CNTN4: variants seen among roughly 807,000 people sequenced by gnomAD.
CNTN4 encodes the protein contactin-4.
Under a neutral mutation model 122.5 loss-of-function variants are expected in CNTN4, and 77 were observed. The ratio of observed to expected loss-of-function variants is 0.63; its 90% CI spans 0.52 to 0.76. The LOEUF is 0.76. CNTN4 is among the 30% of genes least tolerant of loss of function. The probability of loss-of-function intolerance (pLI) is 0.00; values close to 1 mark genes in which losing one functional copy is unlikely to be tolerated. For missense variants in CNTN4, 1,256 were observed against 1,259.1 expected, an observed-to-expected ratio of 1.00 and a Z score of 0.04; for synonymous variants, 512 against 447.0, an observed-to-expected ratio of 1.15 and a Z score of -1.83.
intron 3 of CNTN4, among the ~76,000 whole-genome samples, chr3:2,367,003 C>T (rs1352498080): frequency 6.6e-6 from 1 of 151,916 alleles, no homozygotes; most frequent in Non-Finnish European, 1.5e-5. Context: ...TGGGATGATC[C>T]TCTGATTTAA....
chr3:2,519,620 G>T (rs1485736886), intron 3 of CNTN4, among the ~76,000 whole-genome samples: 3 of 152,212 alleles, frequency 2.0e-5, no homozygotes, highest in Non-Finnish European at 4.4e-5. Context: ...GAAGTGTGAG[G>T]TGGACCAGTT....
rs188686827 is a variant in CNTN4 at position 2,836,446 on chromosome 3, G to A, written c.454+16865G>A. Reference sequence around the variant, plus strand: ...AATGTTGGTAACGCTTACATAGTGGGTAATACATGTAGGCACTATTTTAAA... The same window carrying A: ...AATGTTGGTAACGCTTACATAGTGGATAATACATGTAGGCACTATTTTAAA... On this transcript the variant is annotated intron_variant, in intron 7 of 24. Coordinates refer to ENST00000418658, the MANE Select transcript of CNTN4 (RefSeq NM_175607.3). 5.3e-5 allele frequency among the ~76,000 whole-genome samples: 8 copies of A among 152,140 alleles called. No individual in the cohort carries two copies. In the East Asian group the frequency reaches 1.6e-3, roughly 29 times the overall value.
intron 2 of CNTN4, among the ~76,000 whole-genome samples, chr3:2,152,538 T>G (rs1413114545): frequency 6.6e-6 from 1 of 152,132 alleles, no homozygotes; most frequent in African/African-American, 2.4e-5. Flanking sequence ...TTTGTCAGAT[T>G]CTGAATATAT....
chr3:2,701,144 T>C (rs1448290887), intron 4 of CNTN4, among the ~76,000 whole-genome samples: 2 of 152,350 alleles, frequency 1.3e-5, no homozygotes, highest in East Asian at 3.9e-4. Context: ...TGGTACTCCC[T>C]TATTTTTATT....
chr3:2,364,049 C>G (rs540250071), intron 3 of CNTN4, among the ~76,000 whole-genome samples: 3 of 151,882 alleles, frequency 2.0e-5, no homozygotes, highest in Non-Finnish European at 4.4e-5. Flanking sequence ...AGAGCTTTGC[C>G]TGGATATAGT....
At chr3:2,745,845 T>C in intron 6 of CNTN4, 148 bp downstream of exon 6, 1 of 719,316 alleles carries the variant, frequency 1.4e-6, no homozygotes, top group East Asian at 2.7e-5. Context: ...TGGAAACAAT[T>C]TTATTTGTAG....
At position 2,789,949 on chromosome 3, in the gene CNTN4, A is replaced by G. The variant is rs73807946; in HGVS notation, c.359-29537A>G. Among the ~76,000 whole-genome samples the G allele has an allele frequency of 3.1e-3, 477 of 152,348 alleles. 4 individuals are homozygous for G. Among genetic ancestry groups the G allele is most frequent in the African/African-American group, 0.011 (456 of 41,580 alleles). ...TGTTTAGCCATTTAGTAGAGTATCC[A>G]AGGAAGGTAGCTCTTTCTTTGAGAA... On this transcript the variant is annotated intron_variant, in intron 6 of 24. Coordinates refer to ENST00000418658, the MANE Select transcript of CNTN4 (RefSeq NM_175607.3).
intron 2 of CNTN4, among the ~76,000 whole-genome samples, chr3:2,331,864 A>G (rs150664542): frequency 2.0e-5 from 3 of 152,174 alleles, no homozygotes; most frequent in Non-Finnish European, 2.9e-5. Flanking sequence ...AAATGATTGT[A>G]GTTTTCCTGC....
At chr3:2,120,806 ACTGT>A (rs148980444) in intron 2 of CNTN4, among the ~76,000 whole-genome samples, 41,050 of 151,900 alleles carry the variant, frequency 0.27, 6,316 homozygotes, top group Admixed American at 0.37. Flanking sequence ...TGAGTGAAAT[ACTGT>A]CTAAGTGAAT....
At position 3,053,992 on chromosome 3, in the gene CNTN4, T is replaced by C. The variant is rs1392721765; in HGVS notation, c.2980+17T>C. The C allele has an allele frequency of 6.2e-7, 1 of 1,613,062 alleles. No individual in the cohort carries two copies. On this transcript the variant is annotated intron_variant, in intron 24 of 24. Coordinates refer to ENST00000418658, the MANE Select transcript of CNTN4 (RefSeq NM_175607.3). ...AGATATCAAGTGAGAATGCCTTTTT[T>C]TCTCCCTTTTCTCCTGCCTGTCTTA...
At position 2,344,480 on chromosome 3, in the gene CNTN4, A is replaced by T. The variant is rs146644621; in HGVS notation, c.-89+5247A>T. ...TTTTTAGTAGAGATGGGGTTTCACT[A>T]TGTTGGCCAGGCTACTCTCAAACTC... On this transcript the variant is annotated intron_variant, in intron 3 of 24. Coordinates refer to ENST00000418658, the MANE Select transcript of CNTN4 (RefSeq NM_175607.3). Among the ~76,000 whole-genome samples the T allele has an allele frequency of 1.4e-4, 21 of 152,000 alleles. No individual in the cohort carries two copies. The South Asian group carries it at 4.2e-3, about 30-fold the overall frequency.
intron 3 of CNTN4, among the ~76,000 whole-genome samples, chr3:2,374,046 A>G (rs2045730081): frequency 6.6e-6 from 1 of 152,198 alleles, no homozygotes; most frequent in African/African-American, 2.4e-5. Context: ...GTTCTCCGGG[A>G]TACATGGCAG....
intron 2 of CNTN4, among the ~76,000 whole-genome samples, chr3:2,293,346 C>G (rs1320693504): frequency 6.6e-6 from 1 of 152,164 alleles, no homozygotes; most frequent in Non-Finnish European, 1.5e-5. Context: ...ACATAGTAAT[C>G]ACTTTATATA....
intron 10 of CNTN4, among the ~76,000 whole-genome samples, chr3:2,889,768 C>A (rs2094017667): frequency 6.6e-6 from 1 of 152,132 alleles, no homozygotes; most frequent in South Asian, 2.1e-4. Context: ...GAAATTCCTG[C>A]TCTCAGTATG....
chr3:2,904,627 C>G (rs7630731), intron 12 of CNTN4, among the ~76,000 whole-genome samples: 28,455 of 152,146 alleles, frequency 0.19, 3,197 homozygotes, highest in African/African-American at 0.32. Flanking sequence ...ATTTTCAACC[C>G]CTTCCAGGAC....
At chr3:2,324,723 T>G (rs2043393789) in intron 2 of CNTN4, among the ~76,000 whole-genome samples, 1 of 152,116 alleles carries the variant, frequency 6.6e-6, no homozygotes, top group African/African-American at 2.4e-5. Context: ...AAAAACATTT[T>G]TGGGTTTGCT....
At chr3:2,300,029 T>A (rs2042448111) in intron 2 of CNTN4, among the ~76,000 whole-genome samples, 1 of 152,200 alleles carries the variant, frequency 6.6e-6, no homozygotes, top group African/African-American at 2.4e-5. Context: ...CATAACAGCT[T>A]ATGATCTAGG....
At chr3:2,569,740 A>T (rs2079336695) in intron 3 of CNTN4, among the ~76,000 whole-genome samples, 1 of 151,904 alleles carries the variant, frequency 6.6e-6, no homozygotes, top group Admixed American at 6.6e-5. Context: ...ATAGAATGAG[A>T]TCTCCCGGTT....
intron 3 of CNTN4, among the ~76,000 whole-genome samples, chr3:2,349,624 G>A (rs187064478): frequency 2.0e-4 from 30 of 152,292 alleles, no homozygotes; most frequent in African/African-American, 6.5e-4. Flanking sequence ...ATGTAAAAAT[G>A]ATACATTTGT....
Sources: gnomAD v4.1 joint callset for allele counts (sites outside exome capture counted in the v4.1 genomes callset) on GRCh38, gnomAD v4.1.1 for gene constraint, MANE v1.5 for transcripts, NCBI Gene and HGNC (gene_info 2026-07-23, HGNC 2026-07-21) for gene names.